Variants in PDE1A observed in about 807,000 individuals in gnomAD.
PDE1A encodes the protein phosphodiesterase 1A.
Under a neutral mutation model 61.7 loss-of-function variants are expected in PDE1A, and 35 were observed. The observed-to-expected ratio is 0.57, with a 90% CI of 0.43 to 0.75. The LOEUF is 0.75. Among genes scored for constraint, PDE1A ranks in the 30% least tolerant of loss-of-function variants. The pLI, the probability that PDE1A is intolerant of heterozygous loss-of-function variation, is 0.00. For missense variants in PDE1A, 597 were observed against 630.6 expected, an observed-to-expected ratio of 0.95 and a Z score of 0.57; for synonymous variants, 232 against 213.2, an observed-to-expected ratio of 1.09 and a Z score of -0.77.
intron 1 of PDE1A, among the ~76,000 whole-genome samples, chr2:182,383,593 G>A (rs1046818394): frequency 6.6e-6 from 1 of 152,118 alleles, no homozygotes; most frequent in Admixed American, 6.5e-5. Flanking sequence ...CTGGAGAGAG[G>A]TAGGCAGAGC....
At chr2:182,654,765 A>C in the PDE1A span, among the ~76,000 whole-genome samples, 1 of 152,164 alleles carries the variant, frequency 6.6e-6, no homozygotes, top group Non-Finnish European at 1.5e-5. Context: ...TCTCTAGCTC[A>C]GTCTGGAATC....
chr2:182,250,102 T>C (rs1691287619), intron 2 of PDE1A, among the ~76,000 whole-genome samples: 5 of 152,218 alleles, frequency 3.3e-5, no homozygotes, highest in Admixed American at 2.6e-4. Flanking sequence ...AACGCATTTT[T>C]TTCATACTGA....
At chr2:182,637,644 G>A in the PDE1A span, among the ~76,000 whole-genome samples, 10 of 152,220 alleles carry the variant, frequency 6.6e-5, no homozygotes, top group East Asian at 7.7e-4. Flanking sequence ...AAGTCAGGCC[G>A]GGCACTGTGG....
chr2:182,329,812 A>T (rs2124929818), intron 1 of PDE1A, among the ~76,000 whole-genome samples: 1 of 152,336 alleles, frequency 6.6e-6, no homozygotes, highest in African/African-American at 2.4e-5. Context: ...TCCACTGGAC[A>T]TATTTTCTAT....
intron 10 of PDE1A, among the ~76,000 whole-genome samples, chr2:182,192,136 C>T (rs12053027): frequency 0.17 from 25,882 of 151,966 alleles, 2,512 homozygotes; most frequent in East Asian, 0.31. Flanking sequence ...GGATTACTGG[C>T]GTGAGCCACT....
chr2:182,371,620 CATGGATGCTCTT>C (rs1312398971), intron 1 of PDE1A, among the ~76,000 whole-genome samples: 3 of 152,102 alleles, frequency 2.0e-5, no homozygotes, highest in Non-Finnish European at 4.4e-5. Context: ...TCTGGGAGGT[CATGGATGCTCTT>C]TAGGATAAAA....
chr2:182,151,804 A>C (rs2125274977), intron 13 of PDE1A, among the ~76,000 whole-genome samples: 1 of 152,356 alleles, frequency 6.6e-6, no homozygotes, highest in African/African-American at 2.4e-5. Flanking sequence ...AAAATGATTT[A>C]ATAGCTTATT....
chr2:182,378,959 T>G (rs1252210509), intron 1 of PDE1A, among the ~76,000 whole-genome samples: 1 of 152,232 alleles, frequency 6.6e-6, no homozygotes, highest in African/African-American at 2.4e-5. Context: ...ACATAGCATT[T>G]GTTCAGACTC....
intron 12 of PDE1A, 81 bp from the exon 13 acceptor site, chr2:182,186,160 C>A (rs953017225): frequency 1.4e-6 from 2 of 1,459,782 alleles, no homozygotes; most frequent in Non-Finnish European, 1.9e-6. Flanking sequence ...CTTTACAAAA[C>A]CGACTAGAAA....
intron 1 of PDE1A, among the ~76,000 whole-genome samples, chr2:182,279,783 A>G (rs1406872756): frequency 6.6e-6 from 1 of 151,938 alleles, no homozygotes; most frequent in Non-Finnish European, 1.5e-5. Flanking sequence ...TATAAAAATT[A>G]GCAGTTTCTT....
intron 6 of PDE1A, among the ~76,000 whole-genome samples, chr2:182,228,109 T>C (rs1471690457): frequency 1.3e-5 from 2 of 152,120 alleles, no homozygotes; most frequent in Non-Finnish European, 2.9e-5. Context: ...CATTTGCTCC[T>C]TAGCAAATGG....
chr2:182,268,154 G>C (rs1692766779), intron 1 of PDE1A, among the ~76,000 whole-genome samples: 1 of 151,994 alleles, frequency 6.6e-6, no homozygotes, highest in South Asian at 2.1e-4. Flanking sequence ...CTTAGGGTGA[G>C]GGCATGTTCT....
chr2:182,662,519 C>T, the PDE1A span, among the ~76,000 whole-genome samples: 6 of 151,924 alleles, frequency 3.9e-5, no homozygotes, highest in African/African-American at 7.3e-5. Flanking sequence ...GAATAGAGAG[C>T]GCAGAAATAA....
the PDE1A span, among the ~76,000 whole-genome samples, chr2:182,692,672 A>T: frequency 1.8e-3 from 267 of 147,786 alleles, 1 homozygote; most frequent in African/African-American, 5.6e-3. Flanking sequence ...GTATAATAAA[A>T]ATATATATAT....
chr2:182,549,349 C>A, the PDE1A span, among the ~76,000 whole-genome samples: 1 of 151,696 alleles, frequency 6.6e-6, no homozygotes, highest in Non-Finnish European at 1.5e-5. Context: ...ATTGATTATG[C>A]AAAAAGGCAC....
chr2:182,620,780 G>A, the PDE1A span, among the ~76,000 whole-genome samples: 1 of 152,104 alleles, frequency 6.6e-6, no homozygotes, highest in Non-Finnish European at 1.5e-5. Context: ...CATTTCACCA[G>A]GATGGCAAAC....
chr2:182,322,734 C>T (rs371463295), intron 1 of PDE1A, among the ~76,000 whole-genome samples: 8 of 152,200 alleles, frequency 5.3e-5, no homozygotes, highest in Non-Finnish European at 7.4e-5. Flanking sequence ...AAGACACTCA[C>T]CATTTTTATA....
chr2:182,165,800 AG>A (rs1559127470), downstream of PDE1A, among the ~76,000 whole-genome samples: 3 of 152,232 alleles, frequency 2.0e-5, no homozygotes, highest in African/African-American at 7.2e-5. Context: ...TATTTTGTTA[AG>A]AATACATTTG....
chr2:182,676,979 G>T, the PDE1A span, among the ~76,000 whole-genome samples: 1 of 152,122 alleles, frequency 6.6e-6, no homozygotes, highest in Non-Finnish European at 1.5e-5. Flanking sequence ...GCAAAAGCTG[G>T]AAACATTCCC....
Sources: allele counts gnomAD v4.1 joint callset (sites outside exome capture counted in the v4.1 genomes callset), GRCh38; gene constraint gnomAD v4.1.1; transcripts MANE v1.5; gene names NCBI Gene and HGNC (gene_info 2026-07-23, HGNC 2026-07-21).